Variants in FAM184A observed in about 807,000 individuals in gnomAD.
The protein encoded by FAM184A is family with sequence similarity 184 member A.
Under a neutral mutation model 143.8 loss-of-function variants are expected in FAM184A, and 99 were observed. The observed-to-expected ratio is 0.69, with a 90% CI of 0.58 to 0.81. FAM184A has a LOEUF of 0.81. Ranked by LOEUF, FAM184A falls within the 40% of genes least tolerant of loss-of-function variation. FAM184A has a pLI of 0.00. For synonymous variants in FAM184A, 427 were observed against 446.4 expected, an observed-to-expected ratio of 0.96 and a Z score of 0.55; for missense variants, 1,217 against 1,310.5, an observed-to-expected ratio of 0.93 and a Z score of 1.10.
At chr6:118,970,008 A>ATATATATATTTTTTTTTT in intron 14 of FAM184A, among the ~76,000 whole-genome samples, 1 of 19,054 alleles carries the variant, frequency 5.2e-5, no homozygotes, top group African/African-American at 1.5e-4. Context: ...ATATATATAT[A>ATATATATATTTTTTTTTT]TTTTTTTTTT....
chr6:119,135,491 A>G (rs1345532940), intron 1 of FAM184A, among the ~76,000 whole-genome samples: 1 of 152,248 alleles, frequency 6.6e-6, no homozygotes, highest in Admixed American at 6.5e-5. Flanking sequence ...TTCACAATAA[A>G]AAAATTACAG....
chr6:119,131,686 A>G (rs1048916913), intron 1 of FAM184A, among the ~76,000 whole-genome samples: 1 of 151,938 alleles, frequency 6.6e-6, no homozygotes, highest in African/African-American at 2.4e-5. Flanking sequence ...ATACTGGGTT[A>G]TTGCCCAGGC....
intron 1 of FAM184A, among the ~76,000 whole-genome samples, chr6:119,032,506 AAGAGGG>A (rs1210962718): frequency 6.9e-6 from 1 of 144,876 alleles, no homozygotes; most frequent in Non-Finnish European, 1.5e-5. Flanking sequence ...AGGGAGAGGG[AAGAGGG>A]AGAGGAAGAG....
intron 1 of FAM184A, among the ~76,000 whole-genome samples, chr6:119,034,213 C>T (rs1270590836): frequency 6.6e-6 from 1 of 151,284 alleles, no homozygotes; most frequent in Non-Finnish European, 1.5e-5. Context: ...TAGAGTATCG[C>T]TTAGTGCAAA....
At chr6:119,031,817 C>T (rs557648118) in intron 1 of FAM184A, among the ~76,000 whole-genome samples, 48 of 152,226 alleles carry the variant, frequency 3.2e-4, no homozygotes, top group African/African-American at 1.1e-3. Flanking sequence ...TATATTCATA[C>T]AGTGTAATAC....
chr6:119,030,319 A>G (rs1785821377), intron 1 of FAM184A, among the ~76,000 whole-genome samples: 1 of 152,138 alleles, frequency 6.6e-6, no homozygotes, highest in Non-Finnish European at 1.5e-5. Context: ...TGAATTTTCA[A>G]GTTGAGCTTA....
intron 1 of FAM184A, among the ~76,000 whole-genome samples, chr6:119,073,820 G>T (rs1787775968): frequency 6.6e-6 from 1 of 152,206 alleles, no homozygotes; most frequent in Admixed American, 6.5e-5. Context: ...GAACAAGAGA[G>T]AGGGCTGAAC....
At chr6:119,148,858 A>G (rs1298872884) in intron 1 of FAM184A, among the ~76,000 whole-genome samples, 1 of 152,060 alleles carries the variant, frequency 6.6e-6, no homozygotes, top group African/African-American at 2.4e-5. Flanking sequence ...GCCCCCAGAA[A>G]ATCTTGATCT....
chr6:119,134,731 A>G (rs932139797), intron 1 of FAM184A, among the ~76,000 whole-genome samples: 10 of 152,058 alleles, frequency 6.6e-5, no homozygotes, highest in African/African-American at 2.2e-4. Flanking sequence ...GACACAATAT[A>G]CTCACTGAGA....
At chr6:119,020,668 T>C (rs978240897) in intron 3 of FAM184A, among the ~76,000 whole-genome samples, 4 of 152,278 alleles carry the variant, frequency 2.6e-5, no homozygotes, top group East Asian at 1.9e-4. Flanking sequence ...TTGGTTGAAA[T>C]TGAATTTGTT....
chr6:118,962,903 A>C lies in FAM184A; in HGVS notation c.3139-940T>G, dbSNP rs190486203. The C allele has an allele frequency of 6.6e-5, 10 of 152,200 alleles. No homozygotes were observed. The East Asian group carries it at 1.7e-3, about 26-fold the overall frequency. 9.4% of individuals were successfully genotyped at this position (152,200 alleles called of 1,614,324 possible). ...TTAGATGTATACCAATTAAATTTGT[A>C]AGCTTTTTAGGGAAATAACTCGAGT... On this transcript the variant is annotated intron_variant, in intron 16 of 17. Transcript: ENST00000338891.
intron 1 of FAM184A, among the ~76,000 whole-genome samples, chr6:119,109,242 A>G (rs771042217): frequency 1.8e-4 from 28 of 152,160 alleles, no homozygotes; most frequent in South Asian, 1.0e-3. Flanking sequence ...TTATTCTCCA[A>G]CTAAATTATA....
At chr6:119,054,967 G>T (rs1213833221) in intron 1 of FAM184A, among the ~76,000 whole-genome samples, 2 of 151,932 alleles carry the variant, frequency 1.3e-5, no homozygotes, top group African/African-American at 4.8e-5. Context: ...TGACAAAGTT[G>T]TACAACCATC....
intron 3 of FAM184A, among the ~76,000 whole-genome samples, 168 bp downstream of exon 3, chr6:119,022,777 T>C (rs1390464978): frequency 6.6e-6 from 1 of 152,094 alleles, no homozygotes; most frequent in Non-Finnish European, 1.5e-5. Context: ...CTCAGGAAGC[T>C]GAGGCAGGAG....
chr6:119,134,653 CAAA>C (rs11360363), intron 1 of FAM184A, among the ~76,000 whole-genome samples: 226 of 122,096 alleles, frequency 1.9e-3, no homozygotes, highest in African/African-American at 5.6e-3. Context: ...GACCTTGTCT[CAAA>C]AAAAAAAAAA....
intron 5 of FAM184A, 139 bp from the exon 6 acceptor site, chr6:119,011,570 G>A (rs1244491939): frequency 1.1e-5 from 6 of 565,952 alleles, no homozygotes; most frequent in Non-Finnish European, 1.5e-5. Context: ...AACAATATCT[G>A]AATTAACAGT....
At chr6:119,061,536 T>C (rs899318830) in intron 1 of FAM184A, among the ~76,000 whole-genome samples, 14 of 126,806 alleles carry the variant, frequency 1.1e-4, no homozygotes, top group African/African-American at 4.3e-4. Flanking sequence ...TTTTTCTTTT[T>C]TTTTTTTTTT....
intron 5 of FAM184A, among the ~76,000 whole-genome samples, chr6:119,016,116 A>C (rs1390696095): frequency 6.6e-6 from 1 of 152,138 alleles, no homozygotes; most frequent in African/African-American, 2.4e-5. Context: ...TCTGTAACTA[A>C]CTAATCTGAT....
chr6:119,126,927 C>T (rs887056172), intron 1 of FAM184A, among the ~76,000 whole-genome samples: 16 of 152,128 alleles, frequency 1.1e-4, no homozygotes, highest in African/African-American at 3.9e-4. Context: ...CTCTGAAGTC[C>T]CATCATCAAG....
Sources: allele counts gnomAD v4.1 joint callset (sites outside exome capture counted in the v4.1 genomes callset), GRCh38; gene constraint gnomAD v4.1.1; transcripts MANE v1.5; gene names NCBI Gene and HGNC (gene_info 2026-07-23, HGNC 2026-07-21).